The following ANKRD28 variants were observed in gnomAD, a reference collection of about 807,000 sequenced individuals.
ANKRD28 encodes serine/threonine-protein phosphatase 6 regulatory ankyrin repeat subunit A.
ANKRD28 carries 44 observed loss-of-function variants against 126.5 expected under a neutral mutation model. The observed-to-expected ratio is 0.35, with a 90% CI of 0.27 to 0.45. The LOEUF (loss-of-function observed/expected upper bound fraction) is 0.45, where lower values mean the gene tolerates loss of function less well. Ranked by LOEUF, ANKRD28 falls within the 20% of genes least tolerant of loss-of-function variation. The pLI, the probability that ANKRD28 is intolerant of heterozygous loss-of-function variation, is 1.00. For synonymous variants in ANKRD28, 442 were observed against 468.5 expected, an observed-to-expected ratio of 0.94 and a Z score of 0.73; for missense variants, 1,110 against 1,316.6, an observed-to-expected ratio of 0.84 and a Z score of 2.43.
chr3:15,714,442 T>C, intron 9 of ANKRD28, 136 bp downstream of exon 9: 2 of 652,290 alleles, frequency 3.1e-6, no homozygotes, highest in Non-Finnish European at 5.1e-6. Context: ...TTTATTTTCA[T>C]GAGCTCTGAA....
At chr3:15,794,624 T>G (rs1363018390) in intron 2 of ANKRD28, among the ~76,000 whole-genome samples, 1 of 152,178 alleles carries the variant, frequency 6.6e-6, no homozygotes, top group Non-Finnish European at 1.5e-5. Flanking sequence ...TATCCACCTT[T>G]CTAAAACTGT....
In ANKRD28 at chr3:15,853,175, T is replaced by G. The variant is rs532278598; in HGVS notation, c.27+6202A>C. Among the ~76,000 whole-genome samples, 1 of 152,294 alleles carries G rather than the reference T, an allele frequency of 6.6e-6. No individual in the cohort carries two copies. Among genetic ancestry groups the G allele is most frequent in the African/African-American group, 2.4e-5 (1 of 41,576 alleles). On this transcript the variant is annotated intron_variant, in intron 1 of 27. Coordinates refer to the ANKRD28 transcript ENST00000399451. This position sits in a 1 kb window ranked among gnomAD's most constrained non-coding sequence, Gnocchi z 4.2. ...TTTAAGTAACTAATAATTTCATTAATTTTGGCTTTAAATTTAAGGTATTAC... is the reference window on the plus strand; with the variant it reads ...TTTAAGTAACTAATAATTTCATTAAGTTTGGCTTTAAATTTAAGGTATTAC...
chr3:15,733,062 G>A (rs554975010), intron 6 of ANKRD28: 1 of 152,478 alleles, frequency 6.6e-6, no homozygotes, highest in East Asian at 1.9e-4. Flanking sequence ...AGCTACTCAG[G>A]AGGCTGAGGC....
chr3:15,826,460 T>C (rs1250397744), intron 1 of ANKRD28, among the ~76,000 whole-genome samples: 2 of 152,150 alleles, frequency 1.3e-5, no homozygotes, highest in Admixed American at 6.5e-5. Flanking sequence ...AGTAATATTA[T>C]ACTGTTTATG....
chr3:15,804,279 A>C (rs1332925347), intron 1 of ANKRD28, among the ~76,000 whole-genome samples: 2 of 145,542 alleles, frequency 1.4e-5, no homozygotes, highest in Non-Finnish European at 3.0e-5. Context: ...TATACCTGCT[A>C]CCAAGTCCAT....
chr3:15,818,139 G>A (rs1042919312), intron 1 of ANKRD28, among the ~76,000 whole-genome samples: 7 of 152,044 alleles, frequency 4.6e-5, no homozygotes, highest in African/African-American at 1.7e-4. Context: ...GAGCTCCCCC[G>A]TTATCCACAG....
Position 15,803,279 on chromosome 3 carries a change from T to C in ANKRD28, c.28-7973A>G, listed in dbSNP as rs150192927. Reference sequence around the variant, plus strand: ...AGACCACTGCAGTAATCCAACAGAGTGGGTGATCTGAATTAGGACATGATC... The same window carrying C: ...AGACCACTGCAGTAATCCAACAGAGCGGGTGATCTGAATTAGGACATGATC... On this transcript the variant is annotated intron_variant, in intron 1 of 27. Transcript: ENST00000399451. Among the ~76,000 whole-genome samples, 537 of 151,824 alleles carry C rather than the reference T, an allele frequency of 3.5e-3. 6 individuals are homozygous for C. Among genetic ancestry groups the C allele is most frequent in the African/African-American group, 0.013 (518 of 41,376 alleles).
intron 2 of ANKRD28, among the ~76,000 whole-genome samples, chr3:15,790,143 A>C (rs1165392750): frequency 6.6e-6 from 1 of 152,142 alleles, no homozygotes; most frequent in East Asian, 1.9e-4. Context: ...AATGAGATCA[A>C]AGCTGTAATA....
rs2072382756 is a variant in ANKRD28, at chr3:15,712,153, T to G, written c.1260A>C (p.Lys420Asn). The G allele has an allele frequency of 6.3e-7, 1 of 1,577,242 alleles. No individual in the cohort carries two copies. The highest frequency in any genetic ancestry group is 1.8e-5 in the Admixed American group (1 of 54,226). Residue 420 changes from lysine to asparagine, a missense_variant, in exon 11 of 28, where the codon AAA becomes AAC. Lys to Asn is a moderately conservative substitution (Grantham distance 94). Coordinates refer to ENST00000683139, the MANE Select transcript of ANKRD28 (RefSeq NM_001349278.2). ...ALSGFSDCCR[K>N]LLSSGFDIDT... The stretch of plus-strand genomic sequence containing the variant: ...GGTTACACTTACCTGAAGAAAGAAG[T>G]TTTCTGCAGCAATCTGAAAAGCCGC...
At chr3:15,713,973 G>A (rs2072667702) in intron 9 of ANKRD28, among the ~76,000 whole-genome samples, 2 of 152,164 alleles carry the variant, frequency 1.3e-5, no homozygotes, top group South Asian at 4.1e-4. Context: ...TGCATACTCT[G>A]TCATCAAGAC....
chr3:15,751,420 CAAT>C (rs1301153757), intron 4 of ANKRD28, among the ~76,000 whole-genome samples: 16 of 152,094 alleles, frequency 1.1e-4, no homozygotes, highest in Admixed American at 9.8e-4. Flanking sequence ...TTCTTGATCA[CAAT>C]CAGTGAAACC....
intron 17 of ANKRD28, among the ~76,000 whole-genome samples, chr3:15,693,494 G>A (rs1247474128): frequency 5.3e-5 from 8 of 152,174 alleles, no homozygotes; most frequent in Admixed American, 2.6e-4. Flanking sequence ...CCTAAAGACT[G>A]CAGGGCTTTT....
chr3:15,800,888 G>C (rs1040948958), upstream of ANKRD28, among the ~76,000 whole-genome samples: 1 of 152,068 alleles, frequency 6.6e-6, no homozygotes, highest in African/African-American at 2.4e-5. Context: ...TAGCAGCACT[G>C]TTTTGTGTCT....
In ANKRD28 at chr3:15,814,628, AACACAC is replaced by A. The variant is rs140629073; in HGVS notation, c.28-19328_28-19323del. 6.6e-6 allele frequency among the ~76,000 whole-genome samples: 1 copy of A among 151,164 alleles called. No individual in the cohort carries two copies. Among genetic ancestry groups the A allele is most frequent in the Non-Finnish European group, 1.5e-5 (1 of 67,672 alleles). Reference sequence around the variant, plus strand: ...GTCATTCTCATAAATCTTAAACACAAACACACACACACACATATACACACACAAACT... The same window carrying A: ...GTCATTCTCATAAATCTTAAACACAAACACACACATATACACACACAAACT... On this transcript the variant is annotated intron_variant, in intron 1 of 27. Coordinates refer to the ANKRD28 transcript ENST00000399451. This position sits in a 1 kb window ranked among gnomAD's most constrained non-coding sequence, Gnocchi z 4.7.
At position 15,697,040 on chromosome 3, in the gene ANKRD28, T is replaced by C. The variant is rs2069691487; in HGVS notation, c.1548-795A>G. On this transcript the variant is annotated intron_variant, in intron 14 of 27. Transcript: ENST00000683139. ...TTGCAAAAATATGAAACAAGTCTATTTAGGCTATCTATCAACGAACGAGTG... is the reference window on the plus strand; with the variant it reads ...TTGCAAAAATATGAAACAAGTCTATCTAGGCTATCTATCAACGAACGAGTG... Among the ~76,000 whole-genome samples, 5 of 152,280 alleles carry C rather than the reference T, an allele frequency of 3.3e-5. No individual in the cohort carries two copies. The South Asian group carries it at 8.3e-4, about 25-fold the overall frequency.
At chr3:15,688,818 A>G (rs1309586866) in intron 18 of ANKRD28, among the ~76,000 whole-genome samples, 1 of 152,228 alleles carries the variant, frequency 6.6e-6, no homozygotes. Flanking sequence ...CTGCTACATC[A>G]TAATATCACA....
intron 14 of ANKRD28, among the ~76,000 whole-genome samples, chr3:15,702,797 G>A (rs2070797457): frequency 6.6e-6 from 1 of 151,932 alleles, no homozygotes; most frequent in Admixed American, 6.6e-5. Flanking sequence ...TCCCATCATG[G>A]CATACAACAG....
intron 1 of ANKRD28, among the ~76,000 whole-genome samples, chr3:15,807,289 A>G (rs2060604869): frequency 6.6e-6 from 1 of 152,190 alleles, no homozygotes; most frequent in Non-Finnish European, 1.5e-5. Context: ...GTCCCTTCCC[A>G]AATGAATCAC....
At chr3:15,855,003 C>T (rs1330291539) in intron 1 of ANKRD28, among the ~76,000 whole-genome samples, 3 of 152,126 alleles carry the variant, frequency 2.0e-5, no homozygotes, top group East Asian at 1.9e-4. Context: ...GCGCCAAGAT[C>T]GTGCCGCTGC....
Sources: gnomAD v4.1 joint callset for allele counts (sites outside exome capture counted in the v4.1 genomes callset) on GRCh38, gnomAD v4.1.1 for gene constraint, Gnocchi (gnomAD v3.1) non-coding constraint, MANE v1.5 for transcripts, NCBI Gene and HGNC (gene_info 2026-07-23, HGNC 2026-07-21) for gene names.